The following ACTN2 variants were observed in gnomAD, a reference collection of about 807,000 sequenced individuals.
ACTN2 encodes actinin alpha 2, also known as alpha-actinin-2.
A neutral mutation model predicts 113.8 loss-of-function variants in ACTN2; 39 were observed. That is an observed-to-expected ratio of 0.34 (90% CI 0.27 to 0.45). The LOEUF is 0.45. Ranked by LOEUF, ACTN2 falls within the 20% of genes least tolerant of loss-of-function variation. The pLI is 1.00. For missense variants in ACTN2, 992 were observed against 1,177.9 expected, an observed-to-expected ratio of 0.84 and a Z score of 2.31; for synonymous variants, 429 against 444.1, an observed-to-expected ratio of 0.97 and a Z score of 0.43.
At chr1:236,733,408 G>C (rs959006732) in intron 7 of ACTN2, among the ~76,000 whole-genome samples, 1 of 152,162 alleles carries the variant, frequency 6.6e-6, no homozygotes, top group African/African-American at 2.4e-5. Flanking sequence ...TAGTCTCTGA[G>C]TCCTGATCTG....
intron 4 of ACTN2, among the ~76,000 whole-genome samples, chr1:236,720,634 T>C (rs1658358026): frequency 6.6e-6 from 1 of 152,214 alleles, no homozygotes; most frequent in Non-Finnish European, 1.5e-5. Context: ...TCTTTTTCTT[T>C]TTAAACAAGA....
chr1:236,751,413 C>G, intron 14 of ACTN2, 57 bp from the exon 15 acceptor site: 1 of 1,585,318 alleles, frequency 6.3e-7, no homozygotes, highest in Non-Finnish European at 8.6e-7. Context: ...AATATCAAAG[C>G]CTTTGAAATT....
At chr1:236,751,426 C>T in intron 14 of ACTN2, 44 bp from the exon 15 acceptor site, 1 of 1,608,854 alleles carries the variant, frequency 6.2e-7, no homozygotes, top group Non-Finnish European at 8.5e-7. Context: ...TTGAAATTAA[C>T]ACTCAAGCCA....
At chr1:236,713,108 G>C (rs1658085152) in intron 1 of ACTN2, among the ~76,000 whole-genome samples, 1 of 151,764 alleles carries the variant, frequency 6.6e-6, no homozygotes, top group South Asian at 2.1e-4. Context: ...TTCGTTCATA[G>C]GGAGCTAGTT....
rs181146815 is a variant in ACTN2, at chr1:236,742,649, T to C, written c.1108-247T>C. Among the ~76,000 whole-genome samples the C allele has an allele frequency of 4.6e-3, 703 of 152,316 alleles. 8 individuals are homozygous for C. Among genetic ancestry groups the C allele is most frequent in the Admixed American group, 0.022 (330 of 15,302 alleles). On this transcript the variant is annotated intron_variant, in intron 10 of 20. Coordinates refer to ENST00000366578, the MANE Select transcript of ACTN2 (RefSeq NM_001103.4). ...AGCCCTCTACATCTTTGTCCACATC[T>C]GGAGAAGTGTCAGGATCGCTGATAA...
At chr1:236,747,909 T>C (rs1315303176) in intron 13 of ACTN2, 134 bp downstream of exon 13, 24 of 723,092 alleles carry the variant, frequency 3.3e-5, no homozygotes, top group Middle Eastern at 5.0e-4. Context: ...AAAGAAAACA[T>C]GAAAAGTGGA....
chr1:236,725,560 G>A (rs1427539994), intron 4 of ACTN2, among the ~76,000 whole-genome samples: 1 of 152,174 alleles, frequency 6.6e-6, no homozygotes, highest in Non-Finnish European at 1.5e-5. Flanking sequence ...CCGGGAGGCA[G>A]AGGTTGCAGT....
At chr1:236,734,580 A>G in intron 7 of ACTN2, 2 of 1,284,994 alleles carry the variant, frequency 1.6e-6, no homozygotes. Context: ...ATTTTTTTTC[A>G]ATTGTTTTCC....
intron 4 of ACTN2, among the ~76,000 whole-genome samples, chr1:236,722,549 C>G (rs1835284): frequency 0.037 from 5,611 of 149,656 alleles, 304 homozygotes; most frequent in African/African-American, 0.12. Flanking sequence ...GCAGGAGAAT[C>G]GCTTGAACCT....
At chr1:236,726,124 CT>C in intron 5 of ACTN2, 104 bp downstream of exon 5, 2 of 1,026,688 alleles carry the variant, frequency 1.9e-6, no homozygotes, top group Non-Finnish European at 3.1e-6. Context: ...TCTGAGAAGC[CT>C]TTTATGTATC....
rs557187452 is a variant in ACTN2, at chr1:236,738,358, A to G, written c.877-944A>G. Among the ~76,000 whole-genome samples, 6 of 152,354 alleles carry G rather than the reference A, an allele frequency of 3.9e-5. No individual in the cohort carries two copies. In the South Asian group the frequency reaches 1.2e-3, roughly 32 times the overall value. On this transcript the variant is annotated intron_variant, in intron 9 of 20. Coordinates refer to ENST00000366578, the MANE Select transcript of ACTN2 (RefSeq NM_001103.4). ...GGTCTTTATTGGGAAAAGTATCAGGACATTTGGAATAAATGTTCCAATAAA... is the reference window on the plus strand; with the variant it reads ...GGTCTTTATTGGGAAAAGTATCAGGGCATTTGGAATAAATGTTCCAATAAA...
intron 18 of ACTN2, among the ~76,000 whole-genome samples, chr1:236,758,257 G>T (rs890281590): frequency 6.6e-6 from 1 of 151,036 alleles, no homozygotes. Context: ...GGCTGGAAGT[G>T]AGTGACTATT....
chr1:236,745,686 A>G (rs984465075), intron 12 of ACTN2, among the ~76,000 whole-genome samples: 4 of 152,146 alleles, frequency 2.6e-5, no homozygotes. Flanking sequence ...AAGAGCCTCC[A>G]TGCCGTGTTT....
At chr1:236,707,588 A>G (rs749920265) in intron 1 of ACTN2, among the ~76,000 whole-genome samples, 16 of 152,092 alleles carry the variant, frequency 1.1e-4, no homozygotes, top group Non-Finnish European at 1.9e-4. Flanking sequence ...TCTATGGCAC[A>G]TAGAAATGTT....
intron 1 of ACTN2, among the ~76,000 whole-genome samples, chr1:236,697,566 G>T (rs1275615077): frequency 1.3e-5 from 2 of 152,124 alleles, no homozygotes; most frequent in Admixed American, 1.3e-4. Flanking sequence ...AAAACATCAT[G>T]TATTAGACAA....
intron 18 of ACTN2, among the ~76,000 whole-genome samples, chr1:236,759,288 C>T (rs1572150521): frequency 6.6e-6 from 1 of 152,338 alleles, no homozygotes; most frequent in East Asian, 1.9e-4. Context: ...CACTCTCACT[C>T]ATTGGGGCTA....
At chr1:236,739,073 G>T (rs766298812) in intron 9 of ACTN2, among the ~76,000 whole-genome samples, 1 of 151,966 alleles carries the variant, frequency 6.6e-6, no homozygotes, top group Non-Finnish European at 1.5e-5. Flanking sequence ...ACGACTTTAC[G>T]TGCTCACTTT....
chr1:236,724,789 G>T (rs1271637404), intron 4 of ACTN2, among the ~76,000 whole-genome samples: 3 of 149,582 alleles, frequency 2.0e-5, no homozygotes, highest in African/African-American at 7.4e-5. Flanking sequence ...GCCGTGGGAC[G>T]TCTGAGCGGC....
rs759309723 is a variant in ACTN2 at position 236,739,419 on chromosome 1, C to T, written c.994C>T (p.Pro332Ser). The change falls in exon 10 of 21, where the codon CCA becomes TCA. Residue 332 changes from proline (P) to serine (S), a missense_variant. By Grantham distance (74) the Pro-to-Ser change is moderately conservative. Coordinates refer to ENST00000366578, the MANE Select transcript of ACTN2 (RefSeq NM_001103.4). ...CCGGGATTACCGCCGGAAGCACAAG[C>T]CACCCAAGGTGCAGGAGAAATGCCA... is the stretch of plus-strand genomic sequence containing the variant. ...DFRDYRRKHK[P>S]PKVQEKCQLE... 1.2e-6 allele frequency: 2 copies of T among 1,614,110 alleles called. No homozygotes were observed. The highest frequency in any genetic ancestry group is 4.5e-5 in the East Asian group (2 of 44,852).
Sources: allele counts gnomAD v4.1 joint callset (sites outside exome capture counted in the v4.1 genomes callset), GRCh38; gene constraint gnomAD v4.1.1; transcripts MANE v1.5; gene names NCBI Gene and HGNC (gene_info 2026-07-23, HGNC 2026-07-21).